GPHN: variants seen among roughly 807,000 people sequenced by gnomAD.
The protein encoded by GPHN is gephyrin.
Under a neutral mutation model 95.5 loss-of-function variants are expected in GPHN, and 17 were observed. The observed-to-expected ratio is 0.18, with a 90% CI of 0.12 to 0.27. The LOEUF is 0.27. GPHN is among the 10% of genes least tolerant of loss of function. GPHN has a pLI of 1.00. For missense variants in GPHN, 660 were observed against 978.1 expected (o/e 0.67, Z 4.34); for synonymous variants, 320 against 322.5 (o/e 0.99, Z 0.08).
intron 12 of GPHN, among the ~76,000 whole-genome samples, chr14:67,099,110 C>CTT (rs1200580490): frequency 2.2e-5 from 3 of 138,980 alleles, no homozygotes; most frequent in Admixed American, 7.2e-5. Context: ...GTTGTAAAAA[C>CTT]TTTTTTTTTT....
chr14:66,807,358 A>G (rs759720515), intron 3 of GPHN, among the ~76,000 whole-genome samples: 1 of 152,210 alleles, frequency 6.6e-6, no homozygotes, highest in Non-Finnish European at 1.5e-5. Context: ...AGGTATAATT[A>G]TTGTCTCTAT....
intron 2 of GPHN, among the ~76,000 whole-genome samples, chr14:66,696,608 C>A (rs926136547): frequency 1.8e-4 from 27 of 152,220 alleles, no homozygotes; most frequent in Admixed American, 5.9e-4. Flanking sequence ...ACTATAACCA[C>A]CCTACTCCTG....
At chr14:67,364,265 T>C in the GPHN span, 1 of 152,202 alleles carries the variant, frequency 6.6e-6, no homozygotes, top group Non-Finnish European at 1.5e-5. Flanking sequence ...ATTTTGGCTA[T>C]AATAAATGAC....
chr14:66,560,874 G>A (rs1783829249), intron 1 of GPHN, among the ~76,000 whole-genome samples: 1 of 152,076 alleles, frequency 6.6e-6, no homozygotes, highest in Non-Finnish European at 1.5e-5. Context: ...TATCAGCTGT[G>A]GGTTTGTCAT....
At chr14:67,651,040 A>G in the GPHN span, 1 of 1,112,046 alleles carries the variant, frequency 9.0e-7, no homozygotes, top group Non-Finnish European at 1.3e-6. Flanking sequence ...ACATTTACAC[A>G]TTCTCACAAT....
At chr14:67,294,684 T>G in the GPHN span, 2 of 152,154 alleles carry the variant, frequency 1.3e-5, no homozygotes, top group Non-Finnish European at 2.9e-5. Flanking sequence ...AGTGCTTTTT[T>G]TTTTTTGAGA....
chr14:67,570,108 T>C, the GPHN span: 14 of 882,232 alleles, frequency 1.6e-5, no homozygotes, highest in Non-Finnish European at 2.4e-5. Context: ...GCCAGGCTTC[T>C]GCACATGGTG....
intron 2 of GPHN, among the ~76,000 whole-genome samples, chr14:66,732,191 A>G (rs1287415880): frequency 1.3e-5 from 2 of 152,090 alleles, no homozygotes; most frequent in Non-Finnish European, 2.9e-5. Context: ...TGCCTAGTGG[A>G]GCTATGTGAG....
intron 1 of GPHN, among the ~76,000 whole-genome samples, chr14:66,615,650 C>A (rs1025208362): frequency 6.6e-6 from 1 of 151,700 alleles, no homozygotes; most frequent in Non-Finnish European, 1.5e-5. Context: ...CAAAAATTTT[C>A]TCCCATTCTG....
intron 6 of GPHN, among the ~76,000 whole-genome samples, chr14:66,916,336 A>G (rs545833430): frequency 6.6e-5 from 10 of 152,312 alleles, no homozygotes; most frequent in African/African-American, 2.4e-4. Flanking sequence ...GACAACGTCC[A>G]GGAATACTAC....
chr14:67,568,398 G>C, the GPHN span, among the ~76,000 whole-genome samples: 1 of 152,086 alleles, frequency 6.6e-6, no homozygotes, highest in African/African-American at 2.4e-5. Context: ...TGGACAATGA[G>C]AACACATGGA....
intron 1 of GPHN, among the ~76,000 whole-genome samples, chr14:66,606,983 T>C (rs2062565175): frequency 6.6e-6 from 1 of 152,168 alleles, no homozygotes; most frequent in Middle Eastern, 3.2e-3. Context: ...CTATGTTGAA[T>C]AGGAGTGTTG....
chr14:66,634,617 C>T (rs11628752), intron 1 of GPHN, among the ~76,000 whole-genome samples: 2 of 152,096 alleles, frequency 1.3e-5, no homozygotes, highest in African/African-American at 4.8e-5. Context: ...CTGGGCCGGG[C>T]TACACAGATT....
intron 1 of GPHN, among the ~76,000 whole-genome samples, chr14:66,666,254 AAT>A (rs751817321): frequency 8.0e-5 from 12 of 150,356 alleles, no homozygotes; most frequent in Admixed American, 5.3e-4. Context: ...GTATAATAAA[AAT>A]ATATATATAT....
the GPHN span, among the ~76,000 whole-genome samples, chr14:67,373,298 A>T: frequency 6.6e-6 from 1 of 152,218 alleles, no homozygotes; most frequent in Non-Finnish European, 1.5e-5. Context: ...ACTTAACACT[A>T]AAAGTGGTGA....
chr14:67,595,056 G>A, the GPHN span, among the ~76,000 whole-genome samples: 1 of 151,950 alleles, frequency 6.6e-6, no homozygotes, highest in Non-Finnish European at 1.5e-5. Context: ...AGAATGGCGT[G>A]AACCCAGGAG....
chr14:66,887,597 AATGATAGGACT>A (rs1399122066), intron 5 of GPHN, among the ~76,000 whole-genome samples: 2 of 152,024 alleles, frequency 1.3e-5, no homozygotes, highest in African/African-American at 2.4e-5. Context: ...ACCAAGACCT[AATGATAGGACT>A]ATAGAATACT....
intron 10 of GPHN, among the ~76,000 whole-genome samples, chr14:67,024,244 T>C (rs1594850327): frequency 6.6e-6 from 1 of 152,300 alleles, no homozygotes; most frequent in South Asian, 2.1e-4. Flanking sequence ...TTTTCTGTCT[T>C]ATAAAAAGGA....
At chr14:67,692,356 G>T in the GPHN span, 1 of 1,477,492 alleles carries the variant, frequency 6.8e-7, no homozygotes, top group Non-Finnish European at 9.3e-7. Context: ...CTTCTATGAG[G>T]AAGAGGGACC....
Sources: gnomAD v4.1 joint callset for allele counts (sites outside exome capture counted in the v4.1 genomes callset) on GRCh38, gnomAD v4.1.1 for gene constraint, MANE v1.5 for transcripts, NCBI Gene and HGNC (gene_info 2026-07-23, HGNC 2026-07-21) for gene names.